Variants in CFAP58 observed in about 807,000 individuals in gnomAD.
CFAP58 encodes cilia- and flagella-associated protein 58.
CFAP58 carries 88 observed loss-of-function variants against 119.5 expected under a neutral mutation model. The ratio of observed to expected loss-of-function variants is 0.74; its 90% CI spans 0.62 to 0.88. The LOEUF is 0.88. Among genes scored for constraint, CFAP58 ranks in the 40% least tolerant of loss-of-function variants. CFAP58 has a pLI of 0.00. For synonymous variants in CFAP58, 365 were observed against 366.3 expected (o/e 1.00, Z 0.04); for missense variants, 990 against 1,021.2 (o/e 0.97, Z 0.42).
At chr10:104,451,817 C>G (rs1048133738) in intron 17 of CFAP58, among the ~76,000 whole-genome samples, 2 of 152,136 alleles carry the variant, frequency 1.3e-5, no homozygotes, top group African/African-American at 4.8e-5. Context: ...CTCACTCTGT[C>G]TCCGGGGTTG....
At chr10:104,406,625 A>G (rs1382229383) in intron 14 of CFAP58, 64 bp from the exon 15 acceptor site, 7 of 1,268,646 alleles carry the variant, frequency 5.5e-6, no homozygotes, top group African/African-American at 1.5e-5. Flanking sequence ...TGCATTTTAC[A>G]TAGAGGCCTC....
chr10:104,384,101 G>A (rs1412947761), intron 9 of CFAP58, among the ~76,000 whole-genome samples: 1 of 152,196 alleles, frequency 6.6e-6, no homozygotes. Context: ...ATAGTATTAT[G>A]TAGCTGTTAA....
chr10:104,399,503 A>G lies in CFAP58; in HGVS notation c.1815+3A>G. The G allele has an allele frequency of 6.2e-7, 1 of 1,613,132 alleles. No individual in the cohort carries two copies. The highest frequency in any genetic ancestry group is 2.2e-5 in the East Asian group (1 of 44,850). On this transcript the variant is annotated splice_donor_region_variant and intron_variant, in intron 12 of 17. Transcript: ENST00000369704. ...GACAGAAGAAGGAATTAGACCAGGT[A>G]GAGCATCTCCTTGTCAGACTTGCAG...
Position 104,368,463 on chromosome 10 carries a change from A to C in CFAP58, c.833A>C (p.Gln278Pro), listed in dbSNP as rs779172854. 32 of 1,613,866 alleles carry C rather than the reference A, an allele frequency of 2.0e-5. No individual in the cohort carries two copies. The highest frequency in any genetic ancestry group is 2.5e-5 in the Non-Finnish European group (30 of 1,179,888). ...GCTGCAAAGGAACTCGAGCAATTTC[A>C]GATGAGAAATGCTAAACTTCAGCAA... ...ERAAKELEQF[Q>P]MRNAKLQQEN... The change falls in exon 6 of 18, where the codon CAG (glutamine) becomes CCG (proline). Residue 278 changes from glutamine (Q) to proline (P), a missense_variant. Coordinates refer to ENST00000369704, the MANE Select transcript of CFAP58 (RefSeq NM_001008723.2).
At chr10:104,390,603 T>C (rs899912029) in intron 9 of CFAP58, among the ~76,000 whole-genome samples, 4 of 152,186 alleles carry the variant, frequency 2.6e-5, no homozygotes, top group African/African-American at 9.6e-5. Flanking sequence ...AGAAGGTAAC[T>C]GATGAATATT....
rs532391751 is a variant in CFAP58 at position 104,377,843 on chromosome 10, T to C, written c.1173+950T>C. Among the ~76,000 whole-genome samples, 7 of 152,378 alleles carry C rather than the reference T, an allele frequency of 4.6e-5. No individual in the cohort carries two copies. The South Asian group carries it at 1.4e-3, about 32-fold the overall frequency. Reference sequence around the variant, plus strand: ...TTAGATCTTCACATGCTAAGCACTTTTAAAGAAAATCATTGAAGTGTTTTT... The same window carrying C: ...TTAGATCTTCACATGCTAAGCACTTCTAAAGAAAATCATTGAAGTGTTTTT... On this transcript the variant is annotated intron_variant, in intron 8 of 17. Coordinates refer to ENST00000369704, the MANE Select transcript of CFAP58 (RefSeq NM_001008723.2).
chr10:104,427,522 A>G (rs1231813834), intron 15 of CFAP58, among the ~76,000 whole-genome samples: 1 of 152,148 alleles, frequency 6.6e-6, no homozygotes, highest in African/African-American at 2.4e-5. Context: ...CATTTGTCTG[A>G]TAAGTTATAT....
chr10:104,444,198 A>G (rs2013079854), intron 15 of CFAP58, among the ~76,000 whole-genome samples: 3 of 152,234 alleles, frequency 2.0e-5, no homozygotes, highest in African/African-American at 7.2e-5. Flanking sequence ...AGAAATGCCA[A>G]ACTGAAGATG....
chr10:104,352,610 C>T (rs111685063), upstream of CFAP58, among the ~76,000 whole-genome samples: 180 of 152,346 alleles, frequency 1.2e-3, 1 homozygote, highest in Middle Eastern at 6.8e-3. Context: ...CTGTGCATCC[C>T]TATAACTTTA....
intron 2 of CFAP58, among the ~76,000 whole-genome samples, chr10:104,359,576 G>A (rs1490685818): frequency 6.6e-6 from 1 of 152,224 alleles, no homozygotes; most frequent in African/African-American, 2.4e-5. Context: ...GCCGAGGTGG[G>A]TGGATCACCT....
At chr10:104,342,831 T>G in the CFAP58 span, among the ~76,000 whole-genome samples, 13 of 84,474 alleles carry the variant, frequency 1.5e-4, no homozygotes, top group African/African-American at 1.9e-4. Context: ...GGTGAGGGAG[T>G]GAGACCCTGT....
At chr10:104,408,644 T>G (rs1362994370) in intron 15 of CFAP58, among the ~76,000 whole-genome samples, 2 of 152,204 alleles carry the variant, frequency 1.3e-5, no homozygotes, top group Non-Finnish European at 2.9e-5. Flanking sequence ...TATTATAAGT[T>G]TGTTTTATAT....
At chr10:104,375,761 G>A (rs1391329434) in intron 7 of CFAP58, among the ~76,000 whole-genome samples, 7 of 151,152 alleles carry the variant, frequency 4.6e-5, no homozygotes, top group African/African-American at 1.7e-4. Flanking sequence ...CAGAAAAGCA[G>A]GACAATTCAA....
intron 9 of CFAP58, among the ~76,000 whole-genome samples, chr10:104,386,223 C>A (rs1157633474): frequency 6.6e-6 from 1 of 151,182 alleles, no homozygotes; most frequent in Non-Finnish European, 1.5e-5. Context: ...ACTAAAAATA[C>A]AAAAATTAGC....
intron 15 of CFAP58, among the ~76,000 whole-genome samples, chr10:104,416,671 A>G (rs1446730253): frequency 1.3e-5 from 2 of 152,296 alleles, no homozygotes; most frequent in East Asian, 3.9e-4. Flanking sequence ...CACTGTGTTA[A>G]ACATTGCTCT....
chr10:104,388,706 C>T (rs574138457), intron 9 of CFAP58, among the ~76,000 whole-genome samples: 7 of 152,296 alleles, frequency 4.6e-5, no homozygotes, highest in Admixed American at 4.6e-4. Context: ...AATGCAATGA[C>T]CTACTTTCTA....
intron 15 of CFAP58, among the ~76,000 whole-genome samples, chr10:104,440,809 C>T (rs993179565): frequency 1.3e-5 from 2 of 152,192 alleles, no homozygotes; most frequent in African/African-American, 4.8e-5. Flanking sequence ...GCTACTTCTT[C>T]TCCCACCAAG....
In CFAP58 at chr10:104,393,812, C is replaced by T. The variant is rs115416000; in HGVS notation, c.1674+337C>T. ...AGAAATCCTTGAACTTACAAGCTTG[C>T]TACAATCCCTCTGCATTCACAACCA... On this transcript the variant is annotated intron_variant, in intron 11 of 17. Transcript: ENST00000369704. Among the ~76,000 whole-genome samples, 494 of 152,330 alleles carry T rather than the reference C, an allele frequency of 3.2e-3. 1 individual carries two copies. The highest frequency in any genetic ancestry group is 0.011 in the African/African-American group (475 of 41,564).
At chr10:104,397,010 C>T (rs372672830) in intron 11 of CFAP58, among the ~76,000 whole-genome samples, 49 of 152,154 alleles carry the variant, frequency 3.2e-4, no homozygotes, top group Admixed American at 9.2e-4. Context: ...GCCAAATGCA[C>T]GAGTGGTTTT....
Sources: gnomAD v4.1 joint callset for allele counts (sites outside exome capture counted in the v4.1 genomes callset) on GRCh38, gnomAD v4.1.1 for gene constraint, MANE v1.5 for transcripts, NCBI Gene and HGNC (gene_info 2026-07-23, HGNC 2026-07-21) for gene names.